PDE1B: variants seen among roughly 807,000 people sequenced by gnomAD.
PDE1B encodes the protein dual specificity calcium/calmodulin-dependent 3',5'-cyclic nucleotide phosphodiesterase 1B.
In PDE1B, 13 loss-of-function variants were observed where a neutral mutation model predicts 66.7. That is an observed-to-expected ratio of 0.19 (90% CI 0.13 to 0.31). The LOEUF (loss-of-function observed/expected upper bound fraction) is 0.31, where lower values mean the gene tolerates loss of function less well. Ranked by LOEUF, PDE1B falls within the 10% of genes least tolerant of loss-of-function variation. PDE1B has a pLI of 1.00. For synonymous variants in PDE1B, 230 were observed against 253.9 expected (o/e 0.91, Z 0.90); for missense variants, 485 against 682.3 (o/e 0.71, Z 3.22).
chr12:54,550,010 G>A, intron 2 of PDE1B, 25 bp downstream of exon 2: 1 of 1,611,920 alleles, frequency 6.2e-7, no homozygotes, highest in East Asian at 2.2e-5. Context: ...CGGGAATGGG[G>A]GGAAGGGACC....
At position 54,572,667 on chromosome 12, in the gene PDE1B, C is replaced by T. The variant is rs150159795; in HGVS notation, c.661C>T (p.Pro221Ser). 1.9e-6 allele frequency: 3 copies of T among 1,613,798 alleles called. No individual in the cohort carries two copies. The highest frequency in any genetic ancestry group is 2.5e-6 in the Non-Finnish European group (3 of 1,179,654). The change falls in exon 7 of 16, where the codon CCT becomes TCT. Residue 221 changes from proline to serine, a missense_variant. Transcript: ENST00000243052. ...LETGYGKYKN[P>S]YHNQIHAADV... ...GACAGGCTATGGGAAGTACAAGAAT[C>T]CTTACCACAACCAGATCCACGCAGC...
At position 54,575,929 on chromosome 12, in the gene PDE1B, A is replaced by G. The variant is rs528298576; in HGVS notation, c.1268-63A>G. 7.9e-3 allele frequency: 9,621 copies of G among 1,210,630 alleles called. 53 individuals are homozygous for G. Among genetic ancestry groups the G allele is most frequent in the Non-Finnish European group, 0.01 (8,400 of 813,652 alleles). 75.0% of individuals were successfully genotyped at this position (1,210,630 alleles called of 1,614,324 possible). On this transcript the variant is annotated intron_variant, in intron 12 of 15. Coordinates refer to ENST00000243052, the MANE Select transcript of PDE1B (RefSeq NM_000924.4). This position sits in a 1 kb window ranked among gnomAD's most constrained non-coding sequence, Gnocchi z 4.0. ...CAGGGGTCCTGGCCATGCCAGCTGC[A>G]TGCTCTGCCTAGCCCTCCAGATAAT...
chr12:54,563,026 G>T (rs140478821), intron 2 of PDE1B, among the ~76,000 whole-genome samples: 35 of 152,234 alleles, frequency 2.3e-4, no homozygotes, highest in African/African-American at 7.2e-4. Context: ...AGAAACCCTG[G>T]CTCAGAAATC....
rs373630600 is a variant in PDE1B, at chr12:54,559,323, T to C, written c.114-7651T>C. ...TCCTTTGTTTCCTACCTCGACCTTA[T>C]TCTTCACTGCAGGCTGGGCAGGCAT... On this transcript the variant is annotated intron_variant, in intron 2 of 15. Coordinates refer to ENST00000243052, the MANE Select transcript of PDE1B (RefSeq NM_000924.4). Among the ~76,000 whole-genome samples, 36 of 148,380 alleles carry C rather than the reference T, an allele frequency of 2.4e-4. 1 individual carries two copies. The highest frequency in any genetic ancestry group is 8.9e-4 in the African/African-American group (36 of 40,568).
chr12:54,567,756 G>A (rs1358495287), intron 3 of PDE1B, among the ~76,000 whole-genome samples: 1 of 151,972 alleles, frequency 6.6e-6, no homozygotes, highest in African/African-American at 2.4e-5. Context: ...TGGCTATTGA[G>A]CACCTCAAAT....
rs149775411 is a variant in PDE1B, at chr12:54,565,648, G to A, written c.114-1326G>A. On this transcript the variant is annotated intron_variant, in intron 2 of 15. Coordinates refer to ENST00000243052, the MANE Select transcript of PDE1B (RefSeq NM_000924.4). ...AGCCAACCAAGGAGGCTGCAGTGCC[G>A]TCCTCCAACTTCTTTGCCACTTTCC... Among the ~76,000 whole-genome samples, 192 of 152,254 alleles carry A rather than the reference G, an allele frequency of 1.3e-3. 1 individual carries two copies. Among genetic ancestry groups the A allele is most frequent in the Non-Finnish European group, 2.5e-3 (169 of 68,016 alleles).
At chr12:54,561,479 C>T (rs1957409454) in intron 2 of PDE1B, 1 of 1,371,772 alleles carries the variant, frequency 7.3e-7, no homozygotes, top group Admixed American at 3.0e-5. Context: ...CTACTGGGAC[C>T]TGGAGGAGGA....
At chr12:54,572,220 GA>G (rs1354952157) in intron 6 of PDE1B, 1 of 173,376 alleles carries the variant, frequency 5.8e-6, no homozygotes, top group Non-Finnish European at 1.2e-5. Context: ...TGGATGTGGG[GA>G]TGGAGTGGGA....
At chr12:54,552,358 T>C (rs1292976827) in intron 2 of PDE1B, among the ~76,000 whole-genome samples, 1 of 152,162 alleles carries the variant, frequency 6.6e-6, no homozygotes, top group Non-Finnish European at 1.5e-5. Flanking sequence ...AAATAGGAAA[T>C]AGACATGATT....
chr12:54,577,471 T>C (rs746987364), intron 15 of PDE1B, 126 bp downstream of exon 15: 1 of 1,600,818 alleles, frequency 6.2e-7, no homozygotes, highest in East Asian at 2.2e-5. Flanking sequence ...ATGGAGCGAG[T>C]GAAGACATAG....
Position 54,569,359 on chromosome 12 carries a change from G to A in PDE1B, c.403G>A (p.Val135Met). The A allele has an allele frequency of 6.2e-7, 1 of 1,604,724 alleles. No homozygotes were observed. The highest frequency in any genetic ancestry group is 8.5e-7 in the Non-Finnish European group (1 of 1,173,638). Residue 135 changes from valine to methionine, a missense_variant, in exon 4 of 16, where the codon GTG becomes ATG. Coordinates refer to ENST00000243052, the MANE Select transcript of PDE1B (RefSeq NM_000924.4). The surrounding 1 kb of genome is among the most constrained non-coding windows in gnomAD (Gnocchi z 4.4). The stretch of plus-strand genomic sequence containing the variant: ...GCACGCTGTGCAGGCTGGGATCTTC[G>A]TGGAACGGTGAGGCTCGCCCACACT... The part of the protein sequence containing the change: ...IVHAVQAGIF[V>M]ERMFRRTYTS...
At chr12:54,552,201 G>T (rs376405233) in intron 2 of PDE1B, among the ~76,000 whole-genome samples, 1 of 152,150 alleles carries the variant, frequency 6.6e-6, no homozygotes, top group Admixed American at 6.5e-5. Flanking sequence ...AGGATTTAGG[G>T]CTTTGCTGGG....
At chr12:54,555,232 C>A (rs1957328952) in intron 2 of PDE1B, among the ~76,000 whole-genome samples, 1 of 152,174 alleles carries the variant, frequency 6.6e-6, no homozygotes, top group Admixed American at 6.5e-5. Flanking sequence ...CCAGGGGCTG[C>A]CATAGGTGGG....
At chr12:54,576,957 C>T in intron 14 of PDE1B, 1 of 605,024 alleles carries the variant, frequency 1.7e-6, no homozygotes, top group Non-Finnish European at 2.9e-6. Flanking sequence ...ACTGTGGTCC[C>T]TGTAAATGGT....
In PDE1B at chr12:54,578,928, C is replaced by T. The variant is rs1197061135; in HGVS notation, c.*1086C>T. The T allele has an allele frequency of 6.6e-6, 1 of 152,318 alleles. No homozygotes were observed. The highest frequency in any genetic ancestry group is 1.5e-5 in the Non-Finnish European group (1 of 68,144). The allele number at this position is 152,318 out of a possible 1,614,324, so 9.4% of individuals were successfully genotyped here. On this transcript the variant is annotated 3_prime_UTR_variant, in exon 16 of 16. Coordinates refer to ENST00000243052, the MANE Select transcript of PDE1B (RefSeq NM_000924.4). ...CAAGGGGCTCAGGGCTGCTGCCTTC[C>T]TGTCCTCTGGAGAGAACCCAGCCAG...
At position 54,573,087 on chromosome 12, in the gene PDE1B, G is replaced by C. The variant is rs369654945; in HGVS notation, c.736-61G>C. On this transcript the variant is annotated intron_variant, in intron 7 of 15. Transcript: ENST00000243052. This position sits in a 1 kb window ranked among gnomAD's most constrained non-coding sequence, Gnocchi z 5.2. ...TGAGTGATCTAGCCTGTGTGTGGAGGTTCCTGGGAAGTGACCAGCAGGCGT... is the reference window on the plus strand; with the variant it reads ...TGAGTGATCTAGCCTGTGTGTGGAGCTTCCTGGGAAGTGACCAGCAGGCGT... The C allele has an allele frequency of 5.8e-4, 706 of 1,212,220 alleles. 5 individuals carry two copies. In the African/African-American group the frequency reaches 9.2e-3, roughly 16 times the overall value. The allele number at this position is 1,212,220 out of a possible 1,614,324, so 75.1% of individuals were successfully genotyped here.
chr12:54,554,440 T>C (rs1957318615), intron 2 of PDE1B: 1 of 152,236 alleles, frequency 6.6e-6, no homozygotes, highest in Admixed American at 6.5e-5. Context: ...CTTCCAGCCA[T>C]AGCAAAGGGA....
intron 2 of PDE1B, among the ~76,000 whole-genome samples, chr12:54,550,836 C>T (rs922238135): frequency 1.3e-5 from 2 of 151,926 alleles, no homozygotes; most frequent in African/African-American, 4.8e-5. Context: ...TACTCCAGTC[C>T]CAGGGGAGGA....
chr12:54,575,139 C>T lies in PDE1B; in HGVS notation c.1106C>T (p.Ala369Val), dbSNP rs781018194. 1 of 1,613,586 alleles carries T rather than the reference C, an allele frequency of 6.2e-7. No individual in the cohort carries two copies. The highest frequency in any genetic ancestry group is 1.7e-5 in the Admixed American group (1 of 60,016). Residue 369 changes from alanine (A) to valine (V), a missense_variant, in exon 11 of 16, where the codon GCT becomes GTT. Ala to Val is a moderately conservative substitution (Grantham distance 64). Transcript: ENST00000243052. The surrounding 1 kb of genome is among the most constrained non-coding windows in gnomAD (Gnocchi z 4.0). Reference sequence around the variant, plus strand: ...GCCCTGTCTCTACTGCTCCATGCTGCTGACATCAGCCACCCAACCAAGCAG... The same window carrying T: ...GCCCTGTCTCTACTGCTCCATGCTGTTGACATCAGCCACCCAACCAAGCAG... ...PKALSLLLHA[A>V]DISHPTKQWL... is the part of the protein sequence containing the mutation.
Sources: allele counts gnomAD v4.1 joint callset (sites outside exome capture counted in the v4.1 genomes callset), GRCh38; gene constraint gnomAD v4.1.1; non-coding constraint Gnocchi (gnomAD v3.1); transcripts MANE v1.5; gene names NCBI Gene and HGNC (gene_info 2026-07-23, HGNC 2026-07-21).